Variants in IQGAP3 observed in about 807,000 individuals in gnomAD.
IQGAP3 encodes ras GTPase-activating-like protein IQGAP3.
Under a neutral mutation model 208.2 loss-of-function variants are expected in IQGAP3, and 165 were observed. That is an observed-to-expected ratio of 0.79 (90% CI 0.70 to 0.90). The LOEUF (loss-of-function observed/expected upper bound fraction) is 0.90, where lower values mean the gene tolerates loss of function less well. Ranked by LOEUF, IQGAP3 falls within the 40% of genes least tolerant of loss-of-function variation. The pLI is 0.00. For synonymous variants in IQGAP3, 703 were observed against 803.6 expected, an observed-to-expected ratio of 0.87 and a Z score of 2.12; for missense variants, 1,811 against 2,043.1, an observed-to-expected ratio of 0.89 and a Z score of 2.19.
chr1:156,567,898 C>T (rs1368560283), intron 2 of IQGAP3, among the ~76,000 whole-genome samples: 1 of 152,152 alleles, frequency 6.6e-6, no homozygotes, highest in Non-Finnish European at 1.5e-5. Context: ...AGTCATTTTA[C>T]ACCCTTGATA....
At chr1:156,531,508 C>A (rs1228248616) in intron 32 of IQGAP3, among the ~76,000 whole-genome samples, 1 of 152,100 alleles carries the variant, frequency 6.6e-6, no homozygotes, top group East Asian at 1.9e-4. Context: ...GCATCTGACA[C>A]CCACCACCCT....
chr1:156,545,873 G>A (rs1450428315), intron 19 of IQGAP3, among the ~76,000 whole-genome samples: 3 of 152,086 alleles, frequency 2.0e-5, no homozygotes, highest in Non-Finnish European at 4.4e-5. Flanking sequence ...CACTGACATT[G>A]TCTCAGTTTG....
intron 9 of IQGAP3, 31 bp downstream of exon 9, chr1:156,562,556 C>A: frequency 6.3e-7 from 1 of 1,594,266 alleles, no homozygotes; most frequent in South Asian, 1.1e-5. Context: ...CTGAGGTCAC[C>A]CCCAAACCAC....
At chr1:156,572,404 C>T in intron 1 of IQGAP3, 89 bp downstream of exon 1, 1 of 1,411,436 alleles carries the variant, frequency 7.1e-7, no homozygotes, top group Admixed American at 1.7e-5. Context: ...GCTTCACGCC[C>T]GACACACGCC....
Position 156,569,443 on chromosome 1 carries a change from C to G in IQGAP3, c.58G>C (p.Glu20Gln), listed in dbSNP as rs1676543753. 1 of 1,612,352 alleles carries G rather than the reference C, an allele frequency of 6.2e-7. No individual in the cohort carries two copies. Among genetic ancestry groups the G allele is most frequent in the African/African-American group, 1.3e-5 (1 of 74,848 alleles). The change falls in exon 2 of 38, where the codon GAG becomes CAG. Residue 20 changes from glutamate to glutamine, a missense_variant. Coordinates refer to ENST00000361170, the MANE Select transcript of IQGAP3 (RefSeq NM_178229.5). Reference sequence around the variant, plus strand: ...TTCTGCCGCCTCTGCTCATCCATCTCCTCAGCTGTGAGGCGTTCATCTGAG... The same window carrying G: ...TTCTGCCGCCTCTGCTCATCCATCTGCTCAGCTGTGAGGCGTTCATCTGAG... Reference protein sequence around the residue: ...WAAYERLTAEEMDEQRRQNVA... With the variant: ...WAAYERLTAEQMDEQRRQNVA...
At position 156,538,913 on chromosome 1, in the gene IQGAP3, A is replaced by G; in HGVS notation, c.3177T>C (p.Val1059=). The G allele has an allele frequency of 6.2e-7, 1 of 1,614,158 alleles. No homozygotes were observed. The highest frequency in any genetic ancestry group is 2.2e-5 in the East Asian group (1 of 44,886). ...CTTTGTCTTCTAGCACATCCTGGAT[A>G]ACCTTGCCCAGAATCTCCTGCAGGG... is the stretch of plus-strand genomic sequence containing the variant. The part of the protein sequence containing the change: ...QSALQEILGK[V]IQDVLEDKVL... The change falls in exon 26 of 38, where the codon GTT becomes GTC. Residue 1059 remains valine, a synonymous_variant. Transcript: ENST00000361170.
intron 1 of IQGAP3, 109 bp from the exon 2 acceptor site, chr1:156,569,572 G>A (rs1284540124): frequency 4.2e-6 from 2 of 479,216 alleles, no homozygotes; most frequent in Non-Finnish European, 3.5e-6. Context: ...AGGCTGGAGT[G>A]CAGTGGCCCA....
chr1:156,550,471 T>A, intron 15 of IQGAP3, 120 bp from the exon 16 acceptor site: 1 of 704,730 alleles, frequency 1.4e-6, no homozygotes, highest in South Asian at 1.7e-5. Flanking sequence ...GGGACAGTGA[T>A]CTCCACTCAG....
rs185598690 is a variant in IQGAP3, at chr1:156,562,644, T to C, written c.820A>G (p.Ile274Val). The C allele has an allele frequency of 5.4e-5, 87 of 1,614,140 alleles. No individual in the cohort carries two copies. In the East Asian group the frequency reaches 1.9e-3, roughly 35 times the overall value. ...GCCTGAGTTAGGTAGTGGTCATAGA[T>C]GTCCTGGCTTTCTCTGTCATCCTGC... The part of the protein sequence containing the change: ...RNHDDRESQD[I>V]YDHYLTQAEI... The change falls in exon 9 of 38, where the codon ATC becomes GTC. Residue 274 changes from isoleucine to valine, a missense_variant. Physicochemically the swap from Ile to Val is conservative, Grantham distance 29. Transcript: ENST00000361170.
intron 19 of IQGAP3, among the ~76,000 whole-genome samples, chr1:156,547,380 G>GACACAC (rs1170677463): frequency 2.4e-5 from 2 of 83,570 alleles, no homozygotes; most frequent in Admixed American, 1.4e-4. Context: ...CACAGACACA[G>GACACAC]ACACACAGAC....
intron 6 of IQGAP3, 45 bp downstream of exon 6, chr1:156,563,712 A>G (rs775541972): frequency 7.5e-6 from 12 of 1,608,866 alleles, no homozygotes; most frequent in East Asian, 2.2e-5. Context: ...AGAACCCCCA[A>G]GACCCTGCCC....
chr1:156,562,728 C>T (rs1676217388), intron 8 of IQGAP3, 63 bp from the exon 9 acceptor site: 1 of 1,339,820 alleles, frequency 7.5e-7, no homozygotes, highest in African/African-American at 1.4e-5. Flanking sequence ...TCCTGCTCTT[C>T]CCTGCCTGGC....
At chr1:156,566,293 TG>T in intron 3 of IQGAP3, 96 bp downstream of exon 3, 1 of 1,361,104 alleles carries the variant, frequency 7.3e-7, no homozygotes, top group Non-Finnish European at 1.0e-6. Context: ...TATCCAGATT[TG>T]GACAATAAGT....
At chr1:156,528,413 A>G in intron 36 of IQGAP3, 96 bp downstream of exon 36, 1 of 845,050 alleles carries the variant, frequency 1.2e-6, no homozygotes, top group Non-Finnish European at 1.9e-6. Context: ...GATCGGGACC[A>G]TGCTTCTTCT....
chr1:156,572,069 C>T (rs1676669141), intron 1 of IQGAP3, among the ~76,000 whole-genome samples: 1 of 152,126 alleles, frequency 6.6e-6, no homozygotes, highest in Non-Finnish European at 1.5e-5. Context: ...TAATTTCACC[C>T]CCTGTTTGAC....
chr1:156,540,464 C>T (rs141507239), intron 23 of IQGAP3, among the ~76,000 whole-genome samples: 236 of 152,268 alleles, frequency 1.5e-3, no homozygotes, highest in African/African-American at 5.2e-3. Context: ...GCACCCACAG[C>T]CCCATCCCTG....
intron 5 of IQGAP3, 38 bp downstream of exon 5, chr1:156,564,577 C>G (rs1676314660): frequency 7.2e-7 from 1 of 1,382,362 alleles, no homozygotes; most frequent in South Asian, 1.2e-5. Context: ...TCGCATCCAC[C>G]TAGAGGAACC....
chr1:156,561,152 G>C (rs1180434296), intron 10 of IQGAP3, 131 bp from the exon 11 acceptor site: 6 of 623,672 alleles, frequency 9.6e-6, no homozygotes, highest in Non-Finnish European at 1.7e-5. Flanking sequence ...CGTTAGGCTG[G>C]CTCACTCATC....
chr1:156,547,245 G>A (rs1675288931), intron 19 of IQGAP3, among the ~76,000 whole-genome samples: 1 of 152,186 alleles, frequency 6.6e-6, no homozygotes, highest in African/African-American at 2.4e-5. Flanking sequence ...AGGGCTGGTA[G>A]GAGAGGAAAG....
Sources: allele counts gnomAD v4.1 joint callset (sites outside exome capture counted in the v4.1 genomes callset), GRCh38; gene constraint gnomAD v4.1.1; transcripts MANE v1.5; gene names NCBI Gene and HGNC (gene_info 2026-07-23, HGNC 2026-07-21).